MYLK3: variants seen among roughly 807,000 people sequenced by gnomAD.
The protein encoded by MYLK3 is MLC kinase.
A neutral mutation model predicts 76.3 loss-of-function variants in MYLK3; 55 were observed. That is an observed-to-expected ratio of 0.72 (90% CI 0.58 to 0.90). The LOEUF (loss-of-function observed/expected upper bound fraction) is 0.90. MYLK3 is among the 40% of genes least tolerant of loss of function. The pLI, the probability that MYLK3 is intolerant of heterozygous loss-of-function variation, is 0.00. For synonymous variants in MYLK3, 416 were observed against 425.4 expected, an observed-to-expected ratio of 0.98 and a Z score of 0.27; for missense variants, 973 against 1,053.6, an observed-to-expected ratio of 0.92 and a Z score of 1.06.
intron 3 of MYLK3, among the ~76,000 whole-genome samples, chr16:46,734,916 A>G (rs1966861168): frequency 6.6e-6 from 1 of 152,110 alleles, no homozygotes; most frequent in Non-Finnish European, 1.5e-5. Context: ...CTGAGGCAGG[A>G]GGATCACTTG....
chr16:46,733,329 T>A (rs926676949), intron 3 of MYLK3, among the ~76,000 whole-genome samples: 1 of 152,206 alleles, frequency 6.6e-6, no homozygotes, highest in African/African-American at 2.4e-5. Context: ...CACTCCAGCC[T>A]GGGCGACAGA....
chr16:46,723,621 G>T (rs1966820742), intron 8 of MYLK3, among the ~76,000 whole-genome samples: 1 of 147,184 alleles, frequency 6.8e-6, no homozygotes, highest in South Asian at 2.2e-4. Context: ...ATGTATGAGG[G>T]TTCCAATTTT....
chr16:46,715,071 G>A (rs1179567737), intron 9 of MYLK3, among the ~76,000 whole-genome samples: 1 of 152,180 alleles, frequency 6.6e-6, no homozygotes, highest in African/African-American at 2.4e-5. Flanking sequence ...TTCCACCATA[G>A]AGACACGATG....
chr16:46,732,468 G>A lies in MYLK3; in HGVS notation c.1202C>T (p.Ser401Phe), dbSNP rs766666069. Reference protein sequence around the residue: ...EQTPEGARELSPLQESSSPGG... With the variant: ...EQTPEGARELFPLQESSSPGG... ...GGGGCTGCTGCTCTCCTGCAGCGGG[G>A]AGAGCTCTCTGGCTCCTTCAGGGGT... The change falls in exon 4 of 13, where the codon TCC becomes TTC. Residue 401 changes from serine to phenylalanine, a missense_variant. By Grantham distance (155) the Ser-to-Phe change is radical. Coordinates refer to ENST00000394809, the MANE Select transcript of MYLK3 (RefSeq NM_182493.3). 4.3e-6 allele frequency: 7 copies of A among 1,611,106 alleles called. No homozygotes were observed. In the South Asian group the frequency reaches 4.4e-5, roughly 10 times the overall value.
chr16:46,727,432 T>C (rs1254546849), intron 7 of MYLK3, 55 bp from the exon 8 acceptor site: 3 of 1,551,084 alleles, frequency 1.9e-6, no homozygotes, highest in Non-Finnish European at 2.6e-6. Context: ...CTTCAGGGCT[T>C]GTCCACTGTC....
intron 5 of MYLK3, 42 bp from the exon 6 acceptor site, chr16:46,729,729 C>T: frequency 6.4e-7 from 1 of 1,563,928 alleles, no homozygotes; most frequent in Non-Finnish European, 8.8e-7. Context: ...AGCCCAGAGG[C>T]TCATCCCACA....
intron 1 of MYLK3, among the ~76,000 whole-genome samples, chr16:46,755,892 T>A (rs1261213487): frequency 8.3e-6 from 1 of 119,868 alleles, no homozygotes; most frequent in Non-Finnish European, 1.7e-5. Context: ...AGAGTTCTTT[T>A]TTCTTTTTTC....
At position 46,707,289 on chromosome 16, in the gene MYLK3, G is replaced by A. The variant is rs1457969730; in HGVS notation, c.*415C>T. ...TACAATAAAATGTCAGCTCACACCT[G>A]AGCAAATCAAAATTCTAGGAATTCT... On this transcript the variant is annotated 3_prime_UTR_variant, in exon 13 of 13. Coordinates refer to ENST00000394809, the MANE Select transcript of MYLK3 (RefSeq NM_182493.3). 6.4e-6 allele frequency: 1 copy of A among 156,454 alleles called. No individual in the cohort carries two copies. Among genetic ancestry groups the A allele is most frequent in the Non-Finnish European group, 1.4e-5 (1 of 71,138 alleles). 9.7% of individuals were successfully genotyped at this position (156,454 alleles called of 1,614,324 possible).
chr16:46,736,944 G>C (rs1308059934), intron 3 of MYLK3, among the ~76,000 whole-genome samples: 1 of 152,192 alleles, frequency 6.6e-6, no homozygotes, highest in Non-Finnish European at 1.5e-5. Flanking sequence ...AGGTCCTCAG[G>C]CTGCGTTCTA....
At chr16:46,725,193 C>G (rs1390618447) in intron 8 of MYLK3, among the ~76,000 whole-genome samples, 1 of 152,178 alleles carries the variant, frequency 6.6e-6, no homozygotes, top group African/African-American at 2.4e-5. Context: ...AGTCTCCTCT[C>G]TTTAAGAGTT....
At chr16:46,729,719 A>G in intron 5 of MYLK3, 32 bp from the exon 6 acceptor site, 3 of 1,596,836 alleles carry the variant, frequency 1.9e-6, no homozygotes, top group Non-Finnish European at 2.6e-6. Flanking sequence ...GCAGGCTGAG[A>G]GCCCAGAGGC....
At chr16:46,743,047 G>A (rs1229297309) in intron 1 of MYLK3, among the ~76,000 whole-genome samples, 2 of 152,160 alleles carry the variant, frequency 1.3e-5, no homozygotes, top group African/African-American at 4.8e-5. Flanking sequence ...CCCACCCCCA[G>A]CTGGGTGCTG....
At chr16:46,714,917 G>T (rs996762051) in intron 9 of MYLK3, among the ~76,000 whole-genome samples, 1 of 152,186 alleles carries the variant, frequency 6.6e-6, no homozygotes, top group Non-Finnish European at 1.5e-5. Context: ...ATTTGTTTTT[G>T]TTGTTGTTTT....
At chr16:46,716,616 C>G (rs1012437352) in intron 9 of MYLK3, among the ~76,000 whole-genome samples, 2 of 151,992 alleles carry the variant, frequency 1.3e-5, no homozygotes, top group African/African-American at 4.8e-5. Context: ...ATCTCTCTCT[C>G]TGTCCTTCTC....
intron 3 of MYLK3, among the ~76,000 whole-genome samples, chr16:46,735,085 G>C (rs2143015433): frequency 6.6e-6 from 1 of 152,024 alleles, no homozygotes; most frequent in Admixed American, 6.5e-5. Context: ...AGGCTGAAGT[G>C]AGCCGAGATG....
intron 3 of MYLK3, 107 bp from the exon 4 acceptor site, chr16:46,732,775 G>A (rs1372252569): frequency 2.2e-6 from 2 of 926,136 alleles, no homozygotes; most frequent in Non-Finnish European, 1.6e-6. Context: ...ATGGCCCTGG[G>A]GCCCTGCTAG....
chr16:46,743,264 T>G (rs1449445386), intron 1 of MYLK3, among the ~76,000 whole-genome samples: 4 of 152,218 alleles, frequency 2.6e-5, no homozygotes, highest in Non-Finnish European at 5.9e-5. Flanking sequence ...CAAAAAGTCC[T>G]GGCACAATTT....
In MYLK3 at chr16:46,706,035, A is replaced by C. The variant is rs1414395865; in HGVS notation, c.*1669T>G. On this transcript the variant is annotated 3_prime_UTR_variant, in exon 13 of 13. Transcript: ENST00000394809. ...ACAGTATGATTTCAGTGAAGGGATGACAGGGCTACTCTAATGCATATAGAA... is the reference window on the plus strand; with the variant it reads ...ACAGTATGATTTCAGTGAAGGGATGCCAGGGCTACTCTAATGCATATAGAA... 1.3e-5 allele frequency: 2 copies of C among 152,238 alleles called. No individual in the cohort carries two copies. Among genetic ancestry groups the C allele is most frequent in the East Asian group, 3.8e-4 (2 of 5,204 alleles). The allele number at this position is 152,238 out of a possible 1,614,324, so 9.4% of individuals were successfully genotyped here. A position where few individuals can be genotyped will look rare whatever the true frequency, so the allele number is the denominator to read the frequency against.
chr16:46,730,526 AGGT>A, intron 5 of MYLK3, 64 bp downstream of exon 5: 1 of 1,331,930 alleles, frequency 7.5e-7, no homozygotes, highest in Middle Eastern at 2.3e-4. Flanking sequence ...CCAGTTCTCC[AGGT>A]GGTCCCGACC....
Sources: allele counts gnomAD v4.1 joint callset (sites outside exome capture counted in the v4.1 genomes callset), GRCh38; gene constraint gnomAD v4.1.1; transcripts MANE v1.5; gene names NCBI Gene and HGNC (gene_info 2026-07-23, HGNC 2026-07-21).